The following ELP4 variants were observed in gnomAD, a reference collection of about 807,000 sequenced individuals.
ELP4 encodes the protein elongator acetyltransferase complex subunit 4.
In ELP4, 51 loss-of-function variants were observed where a neutral mutation model predicts 48.9. That is an observed-to-expected ratio of 1.04 (90% CI 0.83 to 1.32). The LOEUF (loss-of-function observed/expected upper bound fraction) is 1.32. Among genes scored for constraint, ELP4 ranks in the 40% most tolerant of loss-of-function variants. The pLI is 0.00. For synonymous variants in ELP4, 210 were observed against 189.2 expected (o/e 1.11, Z -0.90); for missense variants, 519 against 514.6 (o/e 1.01, Z -0.08).
chr11:31,571,356 G>C (rs935748761), intron 3 of ELP4, among the ~76,000 whole-genome samples: 1 of 152,172 alleles, frequency 6.6e-6, no homozygotes, highest in Non-Finnish European at 1.5e-5. Flanking sequence ...GTTTTCTCAT[G>C]AGATGGCAGC....
chr11:31,573,031 A>C (rs1394375202), intron 3 of ELP4, among the ~76,000 whole-genome samples: 1 of 152,174 alleles, frequency 6.6e-6, no homozygotes, highest in Non-Finnish European at 1.5e-5. Flanking sequence ...AAGGAGGGAG[A>C]GAAGGGGGCA....
intron 2 of ELP4, among the ~76,000 whole-genome samples, chr11:31,527,959 C>T (rs1370703306): frequency 6.6e-6 from 1 of 151,968 alleles, no homozygotes; most frequent in Non-Finnish European, 1.5e-5. Context: ...CTTTTAATTC[C>T]ATTCTCTCCT....
intron 3 of ELP4, among the ~76,000 whole-genome samples, chr11:31,544,069 C>T (rs2973126): frequency 0.022 from 3,336 of 152,312 alleles, 121 homozygotes; most frequent in African/African-American, 0.077. Flanking sequence ...CCAGCGTGAG[C>T]GACGCAGAAG....
In ELP4 at chr11:31,650,124, A is replaced by G. The variant is rs369166262; in HGVS notation, c.1046A>G (p.His349Arg). ...ATTTCTTTTCCACAAGGATTGATTC[A>G]TATACGGCAGATTCCTCGGCTTAAT... ...PLYKDYHGLIHIRQIPRLNNL... is the reference protein window; with the variant it reads ...PLYKDYHGLIRIRQIPRLNNL... The change falls in exon 9 of 10, where the codon CAT (histidine) becomes CGT (arginine). Residue 349 changes from histidine to arginine, a missense_variant. His to Arg is a conservative substitution (Grantham distance 29, BLOSUM62 0). Transcript: ENST00000640961. 1.9e-5 allele frequency: 26 copies of G among 1,401,486 alleles called. No homozygotes were observed. The highest frequency in any genetic ancestry group is 2.9e-5 in the African/African-American group (2 of 70,036). The allele number at this position is 1,401,486 out of a possible 1,614,324, so 86.8% of individuals were successfully genotyped here.
At chr11:31,558,958 T>C (rs1282488111) in intron 3 of ELP4, among the ~76,000 whole-genome samples, 1 of 150,158 alleles carries the variant, frequency 6.7e-6, no homozygotes, top group African/African-American at 2.5e-5. Flanking sequence ...AGAAAAGATA[T>C]TCAATCCTTT....
intron 7 of ELP4, among the ~76,000 whole-genome samples, chr11:31,637,670 C>G (rs180836206): frequency 6.6e-6 from 1 of 151,936 alleles, no homozygotes; most frequent in African/African-American, 2.4e-5. Flanking sequence ...TACTGTTTGA[C>G]TTCCATATCT....
At chr11:31,712,003 T>A (rs1296958143) in intron 9 of ELP4, among the ~76,000 whole-genome samples, 1 of 152,034 alleles carries the variant, frequency 6.6e-6, no homozygotes, top group African/African-American at 2.4e-5. Context: ...AAGCCCAATT[T>A]CTTCTAAACC....
chr11:31,546,232 G>C (rs1355536174), intron 3 of ELP4, among the ~76,000 whole-genome samples: 1 of 151,944 alleles, frequency 6.6e-6, no homozygotes, highest in Non-Finnish European at 1.5e-5. Flanking sequence ...GCTGTATTCA[G>C]GAAACCCATC....
intron 3 of ELP4, among the ~76,000 whole-genome samples, chr11:31,582,410 G>A (rs182211972): frequency 4.0e-5 from 6 of 151,856 alleles, no homozygotes; most frequent in Admixed American, 2.0e-4. Context: ...TATTTTTTTC[G>A]CAAATCTGCT....
intron 3 of ELP4, among the ~76,000 whole-genome samples, chr11:31,591,295 A>G (rs1592142630): frequency 6.6e-6 from 1 of 151,424 alleles, no homozygotes; most frequent in East Asian, 2.0e-4. Context: ...AGTCCCAGCT[A>G]CTCAGGAGGC....
chr11:31,658,765 T>A (rs1945491955), intron 9 of ELP4, among the ~76,000 whole-genome samples: 1 of 151,976 alleles, frequency 6.6e-6, no homozygotes, highest in Admixed American at 6.6e-5. Flanking sequence ...AATTATCCTG[T>A]GAGATAATCA....
At chr11:31,747,504 T>C (rs1488700913) in intron 9 of ELP4, among the ~76,000 whole-genome samples, 1 of 152,188 alleles carries the variant, frequency 6.6e-6, no homozygotes, top group Admixed American at 6.5e-5. Flanking sequence ...CTAGATGGAA[T>C]TTTATAAAAT....
chr11:31,598,503 CTTTTTTT>C (rs10702222), intron 4 of ELP4, among the ~76,000 whole-genome samples: 2 of 77,740 alleles, frequency 2.6e-5, no homozygotes, highest in Non-Finnish European at 4.5e-5. Flanking sequence ...TTTTCTTCTT[CTTTTTTT>C]TTTTTTTTTT....
chr11:31,560,005 A>G (rs1236546366), intron 3 of ELP4, among the ~76,000 whole-genome samples: 1 of 151,994 alleles, frequency 6.6e-6, no homozygotes, highest in East Asian at 1.9e-4. Flanking sequence ...ATAAAATGAT[A>G]TCCAATCTTA....
chr11:31,779,796 C>A (rs1426215591), intron 9 of ELP4: 1 of 152,208 alleles, frequency 6.6e-6, no homozygotes, highest in Non-Finnish European at 1.5e-5. Context: ...GATCCGTTTG[C>A]CTACACAGAA....
chr11:31,642,897 G>A (rs1199157942), intron 7 of ELP4, among the ~76,000 whole-genome samples: 1 of 151,688 alleles, frequency 6.6e-6, no homozygotes, highest in Non-Finnish European at 1.5e-5. Flanking sequence ...TCACAGTCTT[G>A]ATTACTGTAG....
chr11:31,625,664 T>C (rs897843527), intron 5 of ELP4, among the ~76,000 whole-genome samples: 4 of 151,832 alleles, frequency 2.6e-5, no homozygotes, highest in East Asian at 3.9e-4. Flanking sequence ...TTATCCACTC[T>C]CCTATAACCC....
intron 9 of ELP4, among the ~76,000 whole-genome samples, chr11:31,778,911 C>G (rs779569653): frequency 1.3e-5 from 2 of 152,102 alleles, no homozygotes; most frequent in Non-Finnish European, 2.9e-5. Flanking sequence ...GAGATGAGGT[C>G]TCACTGTATT....
intron 7 of ELP4, among the ~76,000 whole-genome samples, chr11:31,641,734 A>C (rs937188571): frequency 6.6e-6 from 1 of 151,874 alleles, no homozygotes; most frequent in Non-Finnish European, 1.5e-5. Flanking sequence ...TTTCCCAGCC[A>C]GTCTCCCATC....
Sources: allele counts gnomAD v4.1 joint callset (sites outside exome capture counted in the v4.1 genomes callset), GRCh38; gene constraint gnomAD v4.1.1; transcripts MANE v1.5; gene names NCBI Gene and HGNC (gene_info 2026-07-23, HGNC 2026-07-21).